MYO6: variants seen among roughly 807,000 people sequenced by gnomAD.
MYO6 encodes the protein unconventional myosin-VI.
Under a neutral mutation model 178.7 loss-of-function variants are expected in MYO6, and 74 were observed. The observed-to-expected ratio is 0.41, with a 90% CI of 0.34 to 0.50. MYO6 has a LOEUF of 0.50. Ranked by LOEUF, MYO6 falls within the 20% of genes least tolerant of loss-of-function variation. MYO6 has a pLI of 0.09. For missense variants in MYO6, 1,330 were observed against 1,547.4 expected, an observed-to-expected ratio of 0.86 and a Z score of 2.36; for synonymous variants, 477 against 504.6, an observed-to-expected ratio of 0.95 and a Z score of 0.73.
chr6:75,908,764 GC>G, intron 32 of MYO6, 137 bp downstream of exon 32: 1 of 781,338 alleles, frequency 1.3e-6, no homozygotes, highest in Non-Finnish European at 2.1e-6. Context: ...ACCTAATACA[GC>G]CTTGATGGCC....
chr6:75,862,275 G>A (rs1776272271), intron 15 of MYO6, among the ~76,000 whole-genome samples: 2 of 152,204 alleles, frequency 1.3e-5, no homozygotes, highest in African/African-American at 2.4e-5. Context: ...GAATATAGCT[G>A]TCATTTCGAA....
At chr6:75,770,579 C>T (rs1009802080) in intron 1 of MYO6, among the ~76,000 whole-genome samples, 2 of 152,044 alleles carry the variant, frequency 1.3e-5, no homozygotes, top group South Asian at 2.1e-4. Context: ...CGGGTTGAAG[C>T]GATTCTTTTG....
chr6:75,906,374 A>G (rs997957026), intron 30 of MYO6, among the ~76,000 whole-genome samples: 1 of 152,152 alleles, frequency 6.6e-6, no homozygotes, highest in Admixed American at 6.5e-5. Context: ...ATCTCAAATT[A>G]TATGCATAAA....
chr6:75,800,828 C>G (rs1262536644), intron 1 of MYO6, among the ~76,000 whole-genome samples: 1 of 152,164 alleles, frequency 6.6e-6, no homozygotes, highest in Non-Finnish European at 1.5e-5. Flanking sequence ...TCAAGCAGTT[C>G]TCGTGTGTCA....
intron 7 of MYO6, among the ~76,000 whole-genome samples, chr6:75,839,521 A>T (rs1583239060): frequency 6.6e-6 from 1 of 152,198 alleles, no homozygotes; most frequent in Non-Finnish European, 1.5e-5. Context: ...AACATGCTTC[A>T]TAAAAAAAAT....
chr6:75,877,983 C>G lies in MYO6; in HGVS notation c.2078-1837C>G, dbSNP rs557791845. ...TACTTGTTTATTTGATACAAGTGGG[C>G]AAAAACTGTGATGATACTAACCAAA... On this transcript the variant is annotated intron_variant, in intron 20 of 34. Transcript: ENST00000369977. 1.1e-4 allele frequency among the ~76,000 whole-genome samples: 17 copies of G among 152,200 alleles called. No homozygotes were observed. In the South Asian group the frequency reaches 3.3e-3, roughly 30 times the overall value.
At chr6:75,907,047 A>G (rs899348804) in intron 30 of MYO6, among the ~76,000 whole-genome samples, 3 of 152,204 alleles carry the variant, frequency 2.0e-5, no homozygotes, top group African/African-American at 7.2e-5. Context: ...ACTCTAATGC[A>G]GTGGGTTGCA....
chr6:75,864,727 AC>A (rs1203448645), intron 16 of MYO6, among the ~76,000 whole-genome samples: 1 of 152,238 alleles, frequency 6.6e-6, no homozygotes, highest in Non-Finnish European at 1.5e-5. Context: ...GCTTTTGTCA[AC>A]CAAGAACAAG....
At chr6:75,784,753 G>C (rs1005060923) in intron 1 of MYO6, among the ~76,000 whole-genome samples, 1 of 131,842 alleles carries the variant, frequency 7.6e-6, no homozygotes, top group African/African-American at 3.3e-5. Flanking sequence ...CTCCAGCCTG[G>C]GCAACAGAGT....
At chr6:75,818,215 C>G (rs1771485412) in intron 2 of MYO6, among the ~76,000 whole-genome samples, 1 of 152,032 alleles carries the variant, frequency 6.6e-6, no homozygotes, top group African/African-American at 2.4e-5. Context: ...CATGCTTAGA[C>G]ATAAACTAGA....
chr6:75,880,181 G>A, intron 22 of MYO6, 61 bp downstream of exon 22: 1 of 1,201,632 alleles, frequency 8.3e-7, no homozygotes, highest in Non-Finnish European at 1.2e-6. Context: ...TGGGGTTAGT[G>A]AATATCTTAA....
chr6:75,781,001 CAG>C (rs1766926836), intron 1 of MYO6, among the ~76,000 whole-genome samples: 1 of 151,902 alleles, frequency 6.6e-6, no homozygotes, highest in Admixed American at 6.6e-5. Flanking sequence ...TTAGTAGACA[CAG>C]GGTTTCACCA....
At chr6:75,769,964 C>G (rs1317185640) in intron 1 of MYO6, among the ~76,000 whole-genome samples, 1 of 152,014 alleles carries the variant, frequency 6.6e-6, no homozygotes, top group Non-Finnish European at 1.5e-5. Context: ...ATGCAAACTG[C>G]TAGTGGTTCT....
In MYO6 at chr6:75,905,307, G is replaced by A. The variant is rs577114398; in HGVS notation, c.3177-2298G>A. ...TAAGCAAGCCTGGGCAATGGCGGGC[G>A]CCCCTCCCCCAGCCTCACTGCCGCC... On this transcript the variant is annotated intron_variant, in intron 30 of 34. Transcript: ENST00000369977. 2.8e-3 allele frequency among the ~76,000 whole-genome samples: 427 copies of A among 152,312 alleles called. 3 individuals are homozygous for A. The highest frequency in any genetic ancestry group is 9.8e-3 in the African/African-American group (406 of 41,576).
intron 10 of MYO6, among the ~76,000 whole-genome samples, 179 bp from the exon 11 acceptor site, chr6:75,848,172 G>C (rs1223810484): frequency 6.6e-6 from 1 of 152,120 alleles, no homozygotes; most frequent in Admixed American, 6.5e-5. Flanking sequence ...ATAGAACAGA[G>C]AGATCCTGTG....
chr6:75,898,512 A>C, intron 30 of MYO6, 101 bp downstream of exon 30: 1 of 937,448 alleles, frequency 1.1e-6, no homozygotes, highest in Non-Finnish European at 1.7e-6. Context: ...TGAGTAGCCT[A>C]GTCTTTCTAT....
At position 75,914,165 on chromosome 6, in the gene MYO6, A is replaced by T. The variant is rs776971894; in HGVS notation, c.3542A>T (p.Gln1181Leu). 6.2e-7 allele frequency: 1 copy of T among 1,614,178 alleles called. No homozygotes were observed. Among genetic ancestry groups the T allele is most frequent in the South Asian group, 1.1e-5 (1 of 91,084 alleles). The change falls in exon 34 of 35, where the codon CAG becomes CTG. Residue 1181 changes from glutamine (Q) to leucine (L), a missense_variant. Gln to Leu is a moderately radical substitution (Grantham distance 113). Transcript: ENST00000369977. ...ATCCCATTCATCCGCCCTGCCGACC[A>T]GTACAAAGACCCTCAGAGTAAGAAA... ...FRIPFIRPAD[Q>L]YKDPQSKKKG...
chr6:75,761,168 G>A (rs1777912343), intron 1 of MYO6, among the ~76,000 whole-genome samples: 1 of 152,272 alleles, frequency 6.6e-6, no homozygotes, highest in South Asian at 2.1e-4. Context: ...TTATTCTTGT[G>A]TTTGATATTT....
intron 16 of MYO6, among the ~76,000 whole-genome samples, chr6:75,863,080 A>G (rs1776335817): frequency 6.6e-6 from 1 of 152,136 alleles, no homozygotes; most frequent in African/African-American, 2.4e-5. Context: ...AAAGAGCAAG[A>G]TCCTGTGTCA....
Sources: gnomAD v4.1 joint callset for allele counts (sites outside exome capture counted in the v4.1 genomes callset) on GRCh38, gnomAD v4.1.1 for gene constraint, MANE v1.5 for transcripts, NCBI Gene and HGNC (gene_info 2026-07-23, HGNC 2026-07-21) for gene names.